Variants in NALCN observed in about 807,000 individuals in gnomAD.
The protein encoded by NALCN is sodium leak channel NALCN.
Under a neutral mutation model 225.3 loss-of-function variants are expected in NALCN, and 111 were observed. The ratio of observed to expected loss-of-function variants is 0.49; its 90% confidence interval spans 0.42 to 0.58. The LOEUF (loss-of-function observed/expected upper bound fraction) is 0.58, where lower values mean the gene tolerates loss of function less well. NALCN is among the 20% of genes least tolerant of loss of function. NALCN has a pLI of 0.00. For missense variants in NALCN, 1,378 were observed against 2,202.4 expected, an observed-to-expected ratio of 0.63 and a Z score of 7.49; for synonymous variants, 764 against 769.0, an observed-to-expected ratio of 0.99 and a Z score of 0.11.
intron 1 of NALCN, among the ~76,000 whole-genome samples, chr13:101,401,527 C>A (rs1001314225): frequency 6.6e-6 from 1 of 152,150 alleles, no homozygotes; most frequent in Non-Finnish European, 1.5e-5. Flanking sequence ...GCAGTGGAGA[C>A]AATGGGCATA....
At chr13:101,283,721 G>A (rs182657059) in intron 10 of NALCN, among the ~76,000 whole-genome samples, 8 of 151,598 alleles carry the variant, frequency 5.3e-5, no homozygotes, top group Admixed American at 2.6e-4. Context: ...TTACATGCCT[G>A]CAGCCATCAG....
intron 28 of NALCN, 62 bp from the exon 29 acceptor site, chr13:101,090,028 T>C: frequency 1.9e-6 from 3 of 1,607,056 alleles, no homozygotes; most frequent in Non-Finnish European, 1.7e-6. Context: ...AAGGCAAATA[T>C]CTGTAGCCCT....
intron 27 of NALCN, among the ~76,000 whole-genome samples, chr13:101,097,918 T>G (rs2034602051): frequency 6.6e-6 from 1 of 152,168 alleles, no homozygotes; most frequent in South Asian, 2.1e-4. Context: ...GGTAATCTAA[T>G]CTTCATAATA....
chr13:101,364,231 A>G (rs1245949986), intron 6 of NALCN, among the ~76,000 whole-genome samples: 1 of 152,134 alleles, frequency 6.6e-6, no homozygotes, highest in Non-Finnish European at 1.5e-5. Context: ...TATATATCCA[A>G]AAGGGAGGAA....
intron 3 of NALCN, among the ~76,000 whole-genome samples, chr13:101,379,226 G>A (rs186564461): frequency 6.6e-6 from 1 of 152,318 alleles, no homozygotes; most frequent in African/African-American, 2.4e-5. Context: ...ACAGATGCTG[G>A]AGAGGATGTA....
At chr13:101,305,013 C>G (rs1443004326) in intron 7 of NALCN, among the ~76,000 whole-genome samples, 1 of 151,990 alleles carries the variant, frequency 6.6e-6, no homozygotes, top group South Asian at 2.1e-4. Context: ...CCTCAGCCTC[C>G]CAAAGTGCTG....
chr13:101,159,913 G>A (rs1030746645), intron 15 of NALCN, among the ~76,000 whole-genome samples: 1 of 152,068 alleles, frequency 6.6e-6, no homozygotes, highest in Non-Finnish European at 1.5e-5. Context: ...CTTTGTTAGT[G>A]AGAGAGAAGG....
intron 11 of NALCN, among the ~76,000 whole-genome samples, chr13:101,251,379 T>C (rs2140192545): frequency 6.6e-6 from 1 of 152,228 alleles, no homozygotes; most frequent in East Asian, 1.9e-4. Flanking sequence ...ATGATGAATA[T>C]AGTTCTCTGT....
At chr13:101,261,757 G>A (rs575936571) in intron 10 of NALCN, among the ~76,000 whole-genome samples, 1 of 152,136 alleles carries the variant, frequency 6.6e-6, no homozygotes, top group African/African-American at 2.4e-5. Flanking sequence ...GGAGTCTTTA[G>A]GTTTTTCCAA....
In NALCN at chr13:101,057,992, G is replaced by A; in HGVS notation, c.4970C>T (p.Ala1657Val). The change falls in exon 43 of 44, where the codon GCA becomes GTA. Residue 1657 changes from alanine to valine, a missense_variant. By Grantham distance (64) the Ala-to-Val change is moderately conservative. Coordinates refer to ENST00000251127, the MANE Select transcript of NALCN (RefSeq NM_052867.4). ...LSDRGGSRQD[A>V]ADAGKPQRKF... The stretch of plus-strand genomic sequence containing the variant: ...CCTCTGGGGTTTCCCTGCGTCGGCT[G>A]CATCTTGCCGACTTCCTCCTCGATC... 6.2e-7 allele frequency: 1 copy of A among 1,613,832 alleles called. No individual in the cohort carries two copies. The highest frequency in any genetic ancestry group is 1.1e-5 in the South Asian group (1 of 91,084).
intron 22 of NALCN, 117 bp from the exon 23 acceptor site, chr13:101,105,067 T>C (rs1256048524): frequency 1.5e-5 from 12 of 787,488 alleles, no homozygotes; most frequent in Non-Finnish European, 2.5e-5. Flanking sequence ...CTCTCTACAA[T>C]GTCCATTATA....
intron 7 of NALCN, among the ~76,000 whole-genome samples, chr13:101,304,841 C>T (rs955290656): frequency 2.7e-5 from 4 of 149,672 alleles, no homozygotes; most frequent in African/African-American, 7.4e-5. Context: ...CTGCAATCTC[C>T]GCCTCCCGTG....
chr13:101,347,450 A>C (rs2045776685), intron 6 of NALCN, among the ~76,000 whole-genome samples: 1 of 152,216 alleles, frequency 6.6e-6, no homozygotes, highest in South Asian at 2.1e-4. Flanking sequence ...TATTTTAGAC[A>C]GACACATCGT....
rs76766047 is a variant in NALCN, at chr13:101,345,373, G to C, written c.692C>G (p.Pro231Arg). The C allele has an allele frequency of 6.2e-7, 1 of 1,613,596 alleles. No homozygotes were observed. The highest frequency in any genetic ancestry group is 1.7e-5 in the Admixed American group (1 of 59,966). The change falls in exon 7 of 44, where the codon CCA becomes CGA. Residue 231 changes from proline to arginine, a missense_variant. By Grantham distance (103) the Pro-to-Arg change is moderately radical (BLOSUM62 -2). This residue lies in a region of NALCN where 67 missense variants were observed against 82.1 expected (regional missense o/e 0.82). Coordinates refer to ENST00000251127, the MANE Select transcript of NALCN (RefSeq NM_052867.4). ...SLAIPDTHCS[P>R]ELEEGYQCPP... ...GCACTGGTAGCCTTCTTCTAGCTCT[G>C]GTGAGCAGTGTGTGTCTGGAATAGC...
At chr13:101,375,369 A>C (rs10508063) in intron 6 of NALCN, among the ~76,000 whole-genome samples, 32,685 of 152,104 alleles carry the variant, frequency 0.21, 3,663 homozygotes, top group Non-Finnish European at 0.24. Context: ...CAAACTCATA[A>C]AATAAAGTGT....
intron 7 of NALCN, among the ~76,000 whole-genome samples, chr13:101,310,625 C>T (rs1159746130): frequency 1.3e-5 from 2 of 152,094 alleles, no homozygotes; most frequent in Non-Finnish European, 2.9e-5. Flanking sequence ...ATTTTACTTA[C>T]TTATTTTCAT....
intron 14 of NALCN, among the ~76,000 whole-genome samples, chr13:101,187,027 G>A (rs893243373): frequency 2.6e-5 from 4 of 152,028 alleles, no homozygotes; most frequent in Admixed American, 6.6e-5. Flanking sequence ...AAAACATCAC[G>A]TTGTACCCCA....
At chr13:101,400,468 T>C (rs114471476) in intron 1 of NALCN, among the ~76,000 whole-genome samples, 2,988 of 152,142 alleles carry the variant, frequency 0.02, 93 homozygotes, top group African/African-American at 0.068. Flanking sequence ...TGGTGCTCCA[T>C]GGGTCTAGAG....
chr13:101,208,380 T>C (rs948317122), intron 13 of NALCN, among the ~76,000 whole-genome samples: 1 of 152,178 alleles, frequency 6.6e-6, no homozygotes, highest in Non-Finnish European at 1.5e-5. Context: ...ACACACCATC[T>C]TTAAGAACTG....
Sources: gnomAD v4.1 joint callset for allele counts (sites outside exome capture counted in the v4.1 genomes callset) on GRCh38, gnomAD v4.1.1 for gene constraint, gnomAD v4.1.1 regional missense constraint, MANE v1.5 for transcripts, NCBI Gene and HGNC (gene_info 2026-07-23, HGNC 2026-07-21) for gene names.